Variants in NF1 observed in about 807,000 individuals in gnomAD.
NF1 encodes the protein neurofibromin 1.
In NF1, 122 loss-of-function variants were observed where a neutral mutation model predicts 325.7. The ratio of observed to expected loss-of-function variants is 0.37; its 90% confidence interval spans 0.32 to 0.44. NF1 has a LOEUF of 0.44. Among genes scored for constraint, NF1 ranks in the 20% least tolerant of loss-of-function variants. The pLI is 1.00. For missense variants in NF1, 2,140 were observed against 3,415.4 expected (o/e 0.63, Z 9.31); for synonymous variants, 1,091 against 1,186.0 (o/e 0.92, Z 1.65).
chr17:31,229,747 G>A (rs2151430204), intron 21 of NF1, 88 bp from the exon 22 acceptor site: 1 of 1,520,660 alleles, frequency 6.6e-7, no homozygotes, highest in Admixed American at 1.7e-5. Context: ...CTTACTCTGT[G>A]TGTTTAGATC....
Position 31,332,363 on chromosome 17 carries a change from C to T in NF1, c.5812+1865C>T, listed in dbSNP as rs551394376. Among the ~76,000 whole-genome samples, 5 of 151,876 alleles carry T rather than the reference C, an allele frequency of 3.3e-5. No homozygotes were observed. In the South Asian group the frequency reaches 1.0e-3, roughly 32 times the overall value. On this transcript the variant is annotated intron_variant, in intron 39 of 57. Coordinates refer to ENST00000358273, the MANE Select transcript of NF1 (RefSeq NM_001042492.3). ...CCTGTAGTCCCAGCTACTCAGGAGG[C>T]TGAGGCAGGAGAATTGCTTGAACCC...
intron 4 of NF1, among the ~76,000 whole-genome samples, chr17:31,168,673 T>C (rs1240703117): frequency 1.3e-5 from 2 of 152,220 alleles, no homozygotes; most frequent in African/African-American, 4.8e-5. Flanking sequence ...CTGATGATGC[T>C]ATGTGGTTCC....
chr17:31,307,210 C>A (rs746140112), intron 36 of NF1, among the ~76,000 whole-genome samples: 2 of 151,112 alleles, frequency 1.3e-5, no homozygotes, highest in African/African-American at 4.9e-5. Flanking sequence ...TTAGCACAGA[C>A]GGGGTTTCAC....
intron 35 of NF1, among the ~76,000 whole-genome samples, chr17:31,264,176 A>G (rs576549920): frequency 7.2e-5 from 11 of 152,304 alleles, no homozygotes; most frequent in Non-Finnish European, 1.5e-4. Flanking sequence ...AGGTGGGTAG[A>G]TCACCTGAGG....
intron 1 of NF1, among the ~76,000 whole-genome samples, chr17:31,123,135 A>G (rs1369609814): frequency 2.0e-5 from 3 of 152,298 alleles, no homozygotes; most frequent in East Asian, 1.9e-4. Flanking sequence ...GATGAAGCCT[A>G]CATGGGAATC....
intron 8 of NF1, among the ~76,000 whole-genome samples, chr17:31,188,507 GT>G (rs962159440): frequency 6.6e-6 from 1 of 152,154 alleles, no homozygotes; most frequent in African/African-American, 2.4e-5. Flanking sequence ...TGACTTTATT[GT>G]CTTTATTTAA....
intron 1 of NF1, among the ~76,000 whole-genome samples, chr17:31,153,534 G>A (rs77003691): frequency 2.1e-3 from 316 of 152,312 alleles, no homozygotes; most frequent in Non-Finnish European, 3.9e-3. Flanking sequence ...TAAGGATGCA[G>A]TACATTGGGA....
intron 5 of NF1, among the ~76,000 whole-genome samples, chr17:31,171,601 A>C (rs1456317193): frequency 6.6e-6 from 1 of 152,218 alleles, no homozygotes; most frequent in African/African-American, 2.4e-5. Context: ...ACTTTCTTTT[A>C]TACTGAAGTA....
intron 1 of NF1, among the ~76,000 whole-genome samples, chr17:31,142,488 T>C (rs1597610346): frequency 6.6e-6 from 1 of 152,214 alleles, no homozygotes; most frequent in Non-Finnish European, 1.5e-5. Context: ...TATTTTCTTA[T>C]ATGTGTTTCA....
chr17:31,232,994 C>G lies in NF1; in HGVS notation c.3497-8C>G, dbSNP rs1339536459. ...GTTAGTAAATTTGCATCTGTTTGTC[C>G]ACATTAGGCTTAGGTTACCACAAGG... On this transcript the variant is annotated splice_polypyrimidine_tract_variant and splice_region_variant and intron_variant, in intron 26 of 57. Transcript: ENST00000358273. 4.3e-6 allele frequency: 7 copies of G among 1,614,068 alleles called. No homozygotes were observed. Among genetic ancestry groups the G allele is most frequent in the Admixed American group, 1.7e-5 (1 of 60,020 alleles).
intron 1 of NF1, among the ~76,000 whole-genome samples, chr17:31,150,624 C>T (rs182401146): frequency 1.5e-3 from 226 of 152,118 alleles, no homozygotes; most frequent in African/African-American, 5.1e-3. Context: ...CTCTCACCAC[C>T]CTCCCTCTCC....
rs2151574502 is a variant in NF1 at position 31,350,266 on chromosome 17, G to C, written c.7405G>C (p.Glu2469Gln). 1 of 1,613,540 alleles carries C rather than the reference G, an allele frequency of 6.2e-7. No homozygotes were observed. Among genetic ancestry groups the C allele is most frequent in the Non-Finnish European group, 8.5e-7 (1 of 1,179,550 alleles). ...ACTTCTTCTTACTGATATTTCAATG[G>C]AAAATGTTCCTATGGATACATATCC... is the stretch of plus-strand genomic sequence containing the variant. ...KSLLLTDISM[E>Q]NVPMDTYPIH... Residue 2469 changes from glutamate (E) to glutamine (Q), a missense_variant, in exon 50 of 58, where the codon GAA becomes CAA. Glu to Gln is a conservative substitution (Grantham distance 29). Transcript: ENST00000358273.
At chr17:31,361,934 C>T (rs1461143065) in intron 57 of NF1, among the ~76,000 whole-genome samples, 1 of 152,208 alleles carries the variant, frequency 6.6e-6, no homozygotes, top group Non-Finnish European at 1.5e-5. Flanking sequence ...TACAAGTAAT[C>T]CTTTTTTCCC....
intron 36 of NF1, among the ~76,000 whole-genome samples, chr17:31,282,325 T>C (rs2068136327): frequency 6.9e-6 from 1 of 144,836 alleles, no homozygotes; most frequent in African/African-American, 2.6e-5. Flanking sequence ...GAGCTTGCAG[T>C]GAGCTGAGAT....
chr17:31,187,125 TTGCC>T (rs1260035046), intron 8 of NF1, among the ~76,000 whole-genome samples: 1 of 152,220 alleles, frequency 6.6e-6, no homozygotes, highest in Admixed American at 6.5e-5. Context: ...CCACACAGCA[TTGCC>T]TCTGACCAAG....
intron 8 of NF1, among the ~76,000 whole-genome samples, chr17:31,187,847 G>A (rs1309604733): frequency 6.6e-6 from 1 of 152,122 alleles, no homozygotes; most frequent in Non-Finnish European, 1.5e-5. Flanking sequence ...CATTAAACTG[G>A]AAGTTAAGAT....
chr17:31,256,319 A>G (rs2067582546), intron 31 of NF1, among the ~76,000 whole-genome samples: 2 of 152,054 alleles, frequency 1.3e-5, no homozygotes, highest in Admixed American at 1.3e-4. Context: ...TTGTATTTTT[A>G]GTAGAGATGG....
At chr17:31,335,747 C>T (rs540137292) in intron 40 of NF1, among the ~76,000 whole-genome samples, 181 of 151,814 alleles carry the variant, frequency 1.2e-3, no homozygotes, top group Admixed American at 1.8e-3. Context: ...GGTACAGTCT[C>T]GGCTCATTGC....
rs1402054274 is a variant in NF1, at chr17:31,095,285, G to GC, written c.-23dup. On this transcript the variant is annotated 5_prime_UTR_variant, in exon 1 of 58. Coordinates refer to ENST00000358273, the MANE Select transcript of NF1 (RefSeq NM_001042492.3). ...AGGGCGCCGGCCCACCCTTCCCTCC[G>GC]CCGCCCCCCGGCCGCGGGGAGGACA... The GC allele has an allele frequency of 2.0e-6, 3 of 1,534,670 alleles. No individual in the cohort carries two copies. Among genetic ancestry groups the GC allele is most frequent in the Non-Finnish European group, 2.6e-6 (3 of 1,145,728 alleles).
Sources: gnomAD v4.1 joint callset for allele counts (sites outside exome capture counted in the v4.1 genomes callset) on GRCh38, gnomAD v4.1.1 for gene constraint, MANE v1.5 for transcripts, NCBI Gene and HGNC (gene_info 2026-07-23, HGNC 2026-07-21) for gene names.